The following TAFA1 variants were observed in gnomAD, a reference collection of about 807,000 sequenced individuals.
TAFA1 encodes the protein TAFA chemokine like family member 1.
TAFA1 carries 4 observed loss-of-function variants against 18.5 expected under a neutral mutation model. The observed-to-expected ratio is 0.22, with a 90% CI of 0.11 to 0.49. The LOEUF is 0.49. TAFA1 is among the 20% of genes least tolerant of loss of function. The pLI is 0.98. For synonymous variants in TAFA1, 56 were observed against 55.2 expected, an observed-to-expected ratio of 1.01 and a Z score of -0.06; for missense variants, 147 against 169.0, an observed-to-expected ratio of 0.87 and a Z score of 0.72.
At chr3:68,316,390 T>C (rs1302708558) in intron 2 of TAFA1, among the ~76,000 whole-genome samples, 2 of 152,166 alleles carry the variant, frequency 1.3e-5, no homozygotes, top group Non-Finnish European at 2.9e-5. Context: ...AAAAAGGAAA[T>C]AGAAGTAATT....
At chr3:68,369,451 A>G (rs2069636766) in intron 2 of TAFA1, among the ~76,000 whole-genome samples, 1 of 152,218 alleles carries the variant, frequency 6.6e-6, no homozygotes, top group Non-Finnish European at 1.5e-5. Context: ...CAGGCCTACA[A>G]TAAGGATATG....
intron 2 of TAFA1, 126 bp from the exon 3 acceptor site, chr3:68,417,153 TG>T: frequency 1.4e-6 from 1 of 708,614 alleles, no homozygotes; most frequent in Non-Finnish European, 2.4e-6. Context: ...CTGTTGTAAT[TG>T]TATTTCATGG....
intron 2 of TAFA1, among the ~76,000 whole-genome samples, chr3:68,082,485 C>A (rs769136088): frequency 6.6e-6 from 1 of 152,204 alleles, no homozygotes; most frequent in Non-Finnish European, 1.5e-5. Flanking sequence ...TAAAATATAA[C>A]ATTTTCTAGC....
At chr3:68,439,412 CATATAT>C (rs57059146) in intron 3 of TAFA1, among the ~76,000 whole-genome samples, 3,287 of 73,424 alleles carry the variant, frequency 0.045, 187 homozygotes, top group East Asian at 0.1. Context: ...TATATACATA[CATATAT>C]ATATATATAT....
In TAFA1 at chr3:68,387,834, C is replaced by T. The variant is rs532310354; in HGVS notation, c.119-29446C>T. On this transcript the variant is annotated intron_variant, in intron 2 of 4. Coordinates refer to ENST00000478136, the MANE Select transcript of TAFA1 (RefSeq NM_213609.4). ...CATGGTTACTTTCTGAGACCACAGC[C>T]TTGGAAGGTTATTTATAATATGCAT... 5.9e-5 allele frequency among the ~76,000 whole-genome samples: 9 copies of T among 152,134 alleles called. No homozygotes were observed. The East Asian group carries it at 1.7e-3, about 29-fold the overall frequency.
intron 2 of TAFA1, among the ~76,000 whole-genome samples, chr3:68,271,013 A>C (rs995757295): frequency 6.6e-6 from 1 of 152,148 alleles, no homozygotes; most frequent in Non-Finnish European, 1.5e-5. Context: ...AAACTGCTTA[A>C]GCCGAGAAAA....
At chr3:68,286,940 G>A (rs1449856698) in intron 2 of TAFA1, among the ~76,000 whole-genome samples, 1 of 152,190 alleles carries the variant, frequency 6.6e-6, no homozygotes, top group Non-Finnish European at 1.5e-5. Context: ...CCTTGGTGCT[G>A]TACAATTGGA....
chr3:68,359,921 A>T (rs2069439123), intron 2 of TAFA1, among the ~76,000 whole-genome samples: 1 of 152,032 alleles, frequency 6.6e-6, no homozygotes, highest in Non-Finnish European at 1.5e-5. Flanking sequence ...TGAATAAAAC[A>T]TGTATAAACT....
At chr3:68,428,872 C>A (rs971509830) in intron 3 of TAFA1, among the ~76,000 whole-genome samples, 1 of 151,906 alleles carries the variant, frequency 6.6e-6, no homozygotes, top group Non-Finnish European at 1.5e-5. Flanking sequence ...TCCTTTGGTG[C>A]CTATGCACTA....
chr3:68,390,071 C>A (rs1485449339), intron 2 of TAFA1, among the ~76,000 whole-genome samples: 1 of 152,260 alleles, frequency 6.6e-6, no homozygotes, highest in Non-Finnish European at 1.5e-5. Context: ...GCAGACCCTA[C>A]CCCCATGGAA....
At chr3:68,298,172 G>C (rs191202477) in intron 2 of TAFA1, among the ~76,000 whole-genome samples, 6 of 152,250 alleles carry the variant, frequency 3.9e-5, no homozygotes, top group Admixed American at 2.0e-4. Context: ...TGAACACAGG[G>C]CAAGCTAATG....
rs145340256 is a variant in TAFA1 at position 68,017,712 on chromosome 3, G to T, written c.118+10968G>T. 2.6e-3 allele frequency among the ~76,000 whole-genome samples: 395 copies of T among 152,312 alleles called. 4 individuals are homozygous for T. The highest frequency in any genetic ancestry group is 8.3e-3 in the African/African-American group (346 of 41,568). On this transcript the variant is annotated intron_variant, in intron 2 of 4. Coordinates refer to ENST00000478136, the MANE Select transcript of TAFA1 (RefSeq NM_213609.4). ...AATAGCTACTGTTTAAGATAGTGCA[G>T]CTTTAGACAGTTCTGTCAACTTCTG... is the stretch of plus-strand genomic sequence containing the variant.
intron 2 of TAFA1, among the ~76,000 whole-genome samples, chr3:68,090,268 C>T (rs1337814468): frequency 6.6e-6 from 1 of 152,160 alleles, no homozygotes; most frequent in African/African-American, 2.4e-5. Context: ...GAGATGCTTA[C>T]AGATTCACGT....
intron 3 of TAFA1, among the ~76,000 whole-genome samples, chr3:68,464,388 A>G (rs1007276345): frequency 2.6e-5 from 4 of 152,204 alleles, no homozygotes; most frequent in African/African-American, 9.6e-5. Context: ...TTTAGATTGA[A>G]TGGCCAGAGA....
intron 2 of TAFA1, among the ~76,000 whole-genome samples, chr3:68,123,717 T>G (rs2065428841): frequency 6.6e-6 from 1 of 152,140 alleles, no homozygotes; most frequent in Non-Finnish European, 1.5e-5. Context: ...GAAGTATTTC[T>G]AAATCCACGT....
chr3:68,160,270 G>T (rs953889307), intron 2 of TAFA1, among the ~76,000 whole-genome samples: 1 of 152,110 alleles, frequency 6.6e-6, no homozygotes, highest in Non-Finnish European at 1.5e-5. Context: ...AGGTTTTGTT[G>T]GCCATATATT....
At chr3:68,068,876 T>C (rs2064716860) in intron 2 of TAFA1, among the ~76,000 whole-genome samples, 1 of 152,188 alleles carries the variant, frequency 6.6e-6, no homozygotes, top group African/African-American at 2.4e-5. Context: ...GCGGACTAAG[T>C]CCCATACATG....
At chr3:68,168,296 T>C (rs1480380112) in intron 2 of TAFA1, among the ~76,000 whole-genome samples, 1 of 152,242 alleles carries the variant, frequency 6.6e-6, no homozygotes, top group Non-Finnish European at 1.5e-5. Flanking sequence ...TCTATGAATT[T>C]TAAAAATCTG....
chr3:68,438,907 G>A (rs767332814), intron 3 of TAFA1, among the ~76,000 whole-genome samples: 39 of 152,162 alleles, frequency 2.6e-4, no homozygotes, highest in East Asian at 1.4e-3. Flanking sequence ...GCAAAGTGTC[G>A]TGGTATCCCT....
Sources: allele counts gnomAD v4.1 joint callset (sites outside exome capture counted in the v4.1 genomes callset), GRCh38; gene constraint gnomAD v4.1.1; transcripts MANE v1.5; gene names NCBI Gene and HGNC (gene_info 2026-07-23, HGNC 2026-07-21).